The following WASHC3 variants were observed in gnomAD, a reference collection of about 807,000 sequenced individuals.
WASHC3 encodes the protein WASH complex subunit 3.
WASHC3 carries 24 observed loss-of-function variants against 26.1 expected under a neutral mutation model. That is an observed-to-expected ratio of 0.92 (90% confidence interval 0.66 to 1.29). The LOEUF (loss-of-function observed/expected upper bound fraction) is 1.29, where lower values mean the gene tolerates loss of function less well. Among genes scored for constraint, WASHC3 ranks in the 50% most tolerant of loss-of-function variants. WASHC3 has a pLI of 0.00. For missense variants in WASHC3, 214 were observed against 229.6 expected, an observed-to-expected ratio of 0.93 and a Z score of 0.44; for synonymous variants, 77 against 75.7, an observed-to-expected ratio of 1.02 and a Z score of -0.09.
chr12:102,047,194 T>C (rs1262244914), intron 2 of WASHC3, among the ~76,000 whole-genome samples: 1 of 152,182 alleles, frequency 6.6e-6, no homozygotes, highest in Admixed American at 6.5e-5. Context: ...TTCAGTCACA[T>C]AATCCAAGAG....
In WASHC3 at chr12:102,061,979, G is replaced by T. The variant is rs750395158; in HGVS notation, c.-17C>A. On this transcript the variant is annotated 5_prime_UTR_variant, in exon 1 of 7. Coordinates refer to ENST00000240079, the MANE Select transcript of WASHC3 (RefSeq NM_016053.4). The stretch of plus-strand genomic sequence containing the variant: ...CTCATCCATCTCCTCAGCGGGCGGT[G>T]GACCCCGAGTTCACCCACAAACCCC... 1 of 1,588,540 alleles carries T rather than the reference G, an allele frequency of 6.3e-7. No homozygotes were observed. The highest frequency in any genetic ancestry group is 8.6e-7 in the Non-Finnish European group (1 of 1,166,118).
intron 6 of WASHC3, among the ~76,000 whole-genome samples, chr12:102,013,466 G>A (rs942102189): frequency 2.0e-5 from 3 of 152,178 alleles, no homozygotes; most frequent in African/African-American, 7.2e-5. Context: ...CATTACCATG[G>A]AGACCCAATT....
In WASHC3 at chr12:102,053,547, C is replaced by T. The variant is rs185969128; in HGVS notation, c.151-7428G>A. Reference sequence around the variant, plus strand: ...ACATACCAACACATGGCCACAAAGACCAAGAATAATCAGAGAAACACGTCA... The same window carrying T: ...ACATACCAACACATGGCCACAAAGATCAAGAATAATCAGAGAAACACGTCA... On this transcript the variant is annotated intron_variant, in intron 2 of 6. Transcript: ENST00000240079. 2.9e-3 allele frequency among the ~76,000 whole-genome samples: 447 copies of T among 152,226 alleles called. 3 individuals are homozygous for T. The highest frequency in any genetic ancestry group is 9.0e-3 in the African/African-American group (372 of 41,526).
At chr12:102,014,068 G>A (rs893489793) in intron 6 of WASHC3, among the ~76,000 whole-genome samples, 10 of 142,220 alleles carry the variant, frequency 7.0e-5, no homozygotes. Flanking sequence ...CAATATAACT[G>A]CTACATCTTT....
At position 102,050,516 on chromosome 12, in the gene WASHC3, G is replaced by C. The variant is rs151211006; in HGVS notation, c.151-4397C>G. On this transcript the variant is annotated intron_variant, in intron 2 of 6. Transcript: ENST00000240079. Reference sequence around the variant, plus strand: ...CAATTAGCCGGGTGTGGTGACACATGCCTATAGTCCAAGCTTCTAGGGAGG... The same window carrying C: ...CAATTAGCCGGGTGTGGTGACACATCCCTATAGTCCAAGCTTCTAGGGAGG... 1,188 of 443,740 alleles carry C rather than the reference G, an allele frequency of 2.7e-3. 8 individuals are homozygous for C. Among genetic ancestry groups the C allele is most frequent in the African/African-American group, 0.019 (900 of 48,648 alleles). The allele number at this position is 443,740 out of a possible 1,614,324, so 27.5% of individuals were successfully genotyped here.
At chr12:102,042,932 G>T (rs1878000187) in intron 4 of WASHC3, among the ~76,000 whole-genome samples, 1 of 152,050 alleles carries the variant, frequency 6.6e-6, no homozygotes, top group Non-Finnish European at 1.5e-5. Context: ...TTTATTTTTT[G>T]AAATAAAAAG....
At chr12:102,038,832 C>A (rs1877792421) in intron 5 of WASHC3, among the ~76,000 whole-genome samples, 1 of 152,184 alleles carries the variant, frequency 6.6e-6, no homozygotes, top group African/African-American at 2.4e-5. Flanking sequence ...TTCTGGTTGT[C>A]AGAATTTGCT....
chr12:102,057,342 C>G (rs986661525), intron 2 of WASHC3, among the ~76,000 whole-genome samples: 6 of 152,000 alleles, frequency 3.9e-5, no homozygotes, highest in Non-Finnish European at 7.4e-5. Context: ...AGTTTTTCCT[C>G]TAAGATGAGG....
intron 4 of WASHC3, among the ~76,000 whole-genome samples, chr12:102,042,228 C>A (rs1877967648): frequency 6.6e-6 from 1 of 152,030 alleles, no homozygotes; most frequent in African/African-American, 2.4e-5. Context: ...TCTGGATATC[C>A]TCTTGCACAT....
chr12:102,054,759 T>C (rs1346098347), intron 2 of WASHC3, among the ~76,000 whole-genome samples: 3 of 152,016 alleles, frequency 2.0e-5, no homozygotes, highest in Non-Finnish European at 4.4e-5. Context: ...ATAGAAGGAA[T>C]CTTGAAAAAA....
chr12:102,054,933 G>A (rs541402613), intron 2 of WASHC3, among the ~76,000 whole-genome samples: 1 of 152,132 alleles, frequency 6.6e-6, no homozygotes, highest in South Asian at 2.1e-4. Context: ...AGGAAGCTTC[G>A]GCAGTAAAGA....
intron 4 of WASHC3, among the ~76,000 whole-genome samples, chr12:102,040,695 T>C (rs1284943894): frequency 6.6e-6 from 1 of 152,052 alleles, no homozygotes; most frequent in Non-Finnish European, 1.5e-5. Context: ...AGTCTTCATT[T>C]TGCATGGTAC....
chr12:102,043,037 A>G (rs1165748235), intron 4 of WASHC3, among the ~76,000 whole-genome samples: 2 of 152,200 alleles, frequency 1.3e-5, no homozygotes, highest in Admixed American at 6.5e-5. Flanking sequence ...GCTGATTCAA[A>G]CGAATCATCT....
At chr12:102,014,977 A>G (rs528944212) in intron 6 of WASHC3, among the ~76,000 whole-genome samples, 35 of 152,320 alleles carry the variant, frequency 2.3e-4, no homozygotes, top group African/African-American at 7.7e-4. Flanking sequence ...AAATACAACA[A>G]TGTACATAAC....
intron 6 of WASHC3, among the ~76,000 whole-genome samples, chr12:102,016,229 G>C (rs1054813762): frequency 1.3e-5 from 2 of 151,476 alleles, no homozygotes; most frequent in African/African-American, 4.9e-5. Context: ...TTTTTCAACA[G>C]AGTCTTGCTC....
rs1876892189 is a variant in WASHC3, at chr12:102,020,186, T to C, written c.500+5788A>G. The stretch of plus-strand genomic sequence containing the variant: ...CTCTGTTCAACTGGAAAAACAGCAA[T>C]ATTAAAGCCTTGCTGGGGAGCTATG... On this transcript the variant is annotated intron_variant, in intron 6 of 6. Coordinates refer to ENST00000240079, the MANE Select transcript of WASHC3 (RefSeq NM_016053.4). Among the ~76,000 whole-genome samples, 3 of 152,278 alleles carry C rather than the reference T, an allele frequency of 2.0e-5. No homozygotes were observed. The South Asian group carries it at 6.2e-4, about 32-fold the overall frequency.
At chr12:102,032,292 T>G (rs1185687394) in intron 5 of WASHC3, among the ~76,000 whole-genome samples, 1 of 152,184 alleles carries the variant, frequency 6.6e-6, no homozygotes, top group Non-Finnish European at 1.5e-5. Flanking sequence ...AAGAGACTGT[T>G]TTGGCAAATA....
chr12:102,033,784 T>C lies in WASHC3; in HGVS notation c.435+6084A>G, dbSNP rs1005749189. 5.9e-5 allele frequency among the ~76,000 whole-genome samples: 9 copies of C among 151,900 alleles called. No homozygotes were observed. The South Asian group carries it at 1.5e-3, about 25-fold the overall frequency. On this transcript the variant is annotated intron_variant, in intron 5 of 6. Transcript: ENST00000240079. The stretch of plus-strand genomic sequence containing the variant: ...ACTATGTCATCTTCCTTTGTGTTAA[T>C]ATAAACAATTCCCTAAAAGCTGACA...
upstream of WASHC3, chr12:102,062,037 C>A: frequency 7.6e-7 from 1 of 1,324,428 alleles, no homozygotes; most frequent in Non-Finnish European, 1.1e-6. Flanking sequence ...CCGGTAATCA[C>A]GTCTCAACTT....
Sources: allele counts gnomAD v4.1 joint callset (sites outside exome capture counted in the v4.1 genomes callset), GRCh38; gene constraint gnomAD v4.1.1; transcripts MANE v1.5; gene names NCBI Gene and HGNC (gene_info 2026-07-23, HGNC 2026-07-21).